ZDHHC21: variants seen among roughly 807,000 people sequenced by gnomAD.
The protein encoded by ZDHHC21 is zDHHC palmitoyltransferase 21, also known as palmitoyltransferase ZDHHC21.
ZDHHC21 carries 15 observed loss-of-function variants against 34.6 expected under a neutral mutation model. The observed-to-expected ratio is 0.43, with a 90% CI of 0.29 to 0.67. The LOEUF is 0.67. Among genes scored for constraint, ZDHHC21 ranks in the 30% least tolerant of loss-of-function variants. The pLI, the probability that ZDHHC21 is intolerant of heterozygous loss-of-function variation, is 0.14. For synonymous variants in ZDHHC21, 142 were observed against 101.8 expected (o/e 1.40, Z -2.38); for missense variants, 344 against 327.7 (o/e 1.05, Z -0.38).
At position 14,612,448 on chromosome 9, in the gene ZDHHC21, G is replaced by A. The variant is rs554640126; in HGVS notation, c.*6518C>T. The A allele has an allele frequency of 1.3e-5, 2 of 152,046 alleles. No individual in the cohort carries two copies. The highest frequency in any genetic ancestry group is 3.9e-4 in the East Asian group (2 of 5,172). The allele number at this position is 152,046 out of a possible 1,614,324, so 9.4% of individuals were successfully genotyped here. A position where few individuals can be genotyped will look rare whatever the true frequency, so the allele number is the denominator to read the frequency against. ...ATCTGGAACCCAAATAATATACATA[G>A]CAGCATTACATTTGGACAATTACAT... On this transcript the variant is annotated 3_prime_UTR_variant, in exon 10 of 10. Transcript: ENST00000380916.
At chr9:14,597,014 G>C in the ZDHHC21 span, among the ~76,000 whole-genome samples, 3 of 152,136 alleles carry the variant, frequency 2.0e-5, no homozygotes, top group Non-Finnish European at 2.9e-5. Context: ...AGATCCCCCA[G>C]TACACTTTTC....
downstream of ZDHHC21, among the ~76,000 whole-genome samples, chr9:14,610,851 T>A (rs1463050437): frequency 6.6e-6 from 1 of 152,052 alleles, no homozygotes. Context: ...CTAGAAATAC[T>A]GCGTTTGTCA....
chr9:14,685,750 C>T (rs1020485108), intron 2 of ZDHHC21, among the ~76,000 whole-genome samples: 4 of 152,168 alleles, frequency 2.6e-5, no homozygotes, highest in African/African-American at 7.2e-5. Context: ...AAGACACATG[C>T]GCACGTATGT....
chr9:14,652,706 T>G (rs16932123), intron 7 of ZDHHC21, among the ~76,000 whole-genome samples: 4,823 of 152,070 alleles, frequency 0.032, 256 homozygotes, highest in African/African-American at 0.11. Flanking sequence ...TTCTCTCAAC[T>G]GTCTTTACCA....
intron 2 of ZDHHC21, among the ~76,000 whole-genome samples, chr9:14,685,713 C>G (rs931499384): frequency 6.6e-6 from 1 of 152,090 alleles, no homozygotes; most frequent in Non-Finnish European, 1.5e-5. Context: ...GGTATATACC[C>G]AAAGGATTAC....
chr9:14,682,383 T>C (rs1837545057), intron 2 of ZDHHC21, among the ~76,000 whole-genome samples: 1 of 151,866 alleles, frequency 6.6e-6, no homozygotes, highest in African/African-American at 2.4e-5. Context: ...AAGGCAGGGG[T>C]TGCAATCCTA....
chr9:14,597,903 C>T, the ZDHHC21 span, among the ~76,000 whole-genome samples: 1 of 152,072 alleles, frequency 6.6e-6, no homozygotes, highest in South Asian at 2.1e-4. Flanking sequence ...CCCACTCTAC[C>T]CACTACCATC....
At chr9:14,609,293 C>T (rs1823124797), downstream of ZDHHC21, among the ~76,000 whole-genome samples, 2 of 152,114 alleles carry the variant, frequency 1.3e-5, no homozygotes, top group African/African-American at 2.4e-5. Context: ...TGTATTATTA[C>T]TAAAGAAAAG....
the ZDHHC21 span, among the ~76,000 whole-genome samples, chr9:14,591,349 AG>A: frequency 1.3e-5 from 2 of 152,088 alleles, no homozygotes; most frequent in Non-Finnish European, 2.9e-5. Flanking sequence ...TAGAGGATTG[AG>A]GGAGTAAATT....
At chr9:14,667,306 G>A (rs1347595286) in intron 5 of ZDHHC21, among the ~76,000 whole-genome samples, 1 of 149,458 alleles carries the variant, frequency 6.7e-6, no homozygotes, top group Admixed American at 6.6e-5. Flanking sequence ...CCAGGAAGAA[G>A]TTGAATCTCT....
rs1824505040 is a variant in ZDHHC21 at position 14,617,726 on chromosome 9, T to C, written c.*1240A>G. ...TATGCCTTGCAAAAGAACATCACTA[T>C]TAGTAATTTACATTTGTACAAGGCT... On this transcript the variant is annotated 3_prime_UTR_variant, in exon 10 of 10. Coordinates refer to ENST00000380916, the MANE Select transcript of ZDHHC21 (RefSeq NM_178566.6). The C allele has an allele frequency of 6.6e-6, 1 of 152,050 alleles. No individual in the cohort carries two copies. The highest frequency in any genetic ancestry group is 2.4e-5 in the African/African-American group (1 of 41,450). 9.4% of individuals were successfully genotyped at this position (152,050 alleles called of 1,614,324 possible).
Position 14,611,827 on chromosome 9 carries a change from A to G in ZDHHC21, c.*7139T>C, listed in dbSNP as rs183202539. The G allele has an allele frequency of 2.6e-5, 4 of 152,152 alleles. No individual in the cohort carries two copies. In the East Asian group the frequency reaches 7.7e-4, roughly 29 times the overall value. The allele number at this position is 152,152 out of a possible 1,614,324, so 9.4% of individuals were successfully genotyped here. A position where few individuals can be genotyped will look rare whatever the true frequency, so the allele number is the denominator to read the frequency against. ...TTAGACTCACAATTCACTTGTCGGA[A>G]TATCTCTGATTCTGGTGGAAGTTTT... On this transcript the variant is annotated 3_prime_UTR_variant, in exon 10 of 10. Coordinates refer to ENST00000380916, the MANE Select transcript of ZDHHC21 (RefSeq NM_178566.6).
chr9:14,589,391 G>A, the ZDHHC21 span: 1 of 152,186 alleles, frequency 6.6e-6, no homozygotes, highest in Non-Finnish European at 1.5e-5. Context: ...GGTGACTCCT[G>A]AAATTCCCTT....
chr9:14,592,359 T>C, the ZDHHC21 span, among the ~76,000 whole-genome samples: 2 of 152,026 alleles, frequency 1.3e-5, no homozygotes, highest in African/African-American at 4.8e-5. Flanking sequence ...TTTTAAAATA[T>C]ATATATTTAT....
At chr9:14,662,067 A>G in intron 6 of ZDHHC21, 148 bp downstream of exon 6, 1 of 508,124 alleles carries the variant, frequency 2.0e-6, no homozygotes, top group East Asian at 3.3e-5. Flanking sequence ...GAGTTGACAG[A>G]ACCATATAAT....
At chr9:14,640,304 T>TG (rs139871813) in intron 7 of ZDHHC21, among the ~76,000 whole-genome samples, 2 of 106,552 alleles carry the variant, frequency 1.9e-5, no homozygotes, top group African/African-American at 6.7e-5. Flanking sequence ...GAACCTATTT[T>TG]GGGGAAAAAA....
chr9:14,658,980 C>T, intron 6 of ZDHHC21, 93 bp from the exon 7 acceptor site: 2 of 1,284,648 alleles, frequency 1.6e-6, no homozygotes. Context: ...AATAATATCA[C>T]ATATGCTTAA....
chr9:14,665,406 C>T (rs1277914872), intron 5 of ZDHHC21, among the ~76,000 whole-genome samples: 1 of 144,272 alleles, frequency 6.9e-6, no homozygotes, highest in African/African-American at 2.6e-5. Flanking sequence ...AGAATGGAAC[C>T]AAGTTGGAAA....
the ZDHHC21 span, among the ~76,000 whole-genome samples, chr9:14,596,163 C>G: frequency 6.6e-6 from 1 of 152,114 alleles, no homozygotes; most frequent in East Asian, 1.9e-4. Flanking sequence ...GGAAAGCAAC[C>G]CAAATGTTTA....
Sources: gnomAD v4.1 joint callset for allele counts (sites outside exome capture counted in the v4.1 genomes callset) on GRCh38, gnomAD v4.1.1 for gene constraint, MANE v1.5 for transcripts, NCBI Gene and HGNC (gene_info 2026-07-23, HGNC 2026-07-21) for gene names.